PEX1: variants seen among roughly 807,000 people sequenced by gnomAD.
PEX1 encodes the protein peroxisomal ATPase PEX1.
Under a neutral mutation model 152.5 loss-of-function variants are expected in PEX1, and 97 were observed. The observed-to-expected ratio is 0.64, with a 90% confidence interval of 0.54 to 0.75. PEX1 has a LOEUF of 0.75. Among genes scored for constraint, PEX1 ranks in the 30% least tolerant of loss-of-function variants. PEX1 has a pLI of 0.00. For synonymous variants in PEX1, 485 were observed against 531.6 expected (o/e 0.91, Z 1.21); for missense variants, 1,357 against 1,516.3 (o/e 0.89, Z 1.74).
At chr7:92,522,483 C>A (rs2116270196) in intron 1 of PEX1, among the ~76,000 whole-genome samples, 1 of 152,300 alleles carries the variant, frequency 6.6e-6, no homozygotes, top group Admixed American at 6.5e-5. Flanking sequence ...ATTTAATCAA[C>A]CCCTTCAGAA....
intron 16 of PEX1, 90 bp from the exon 17 acceptor site, chr7:92,496,867 C>A (rs1791678436): frequency 1.2e-6 from 1 of 811,786 alleles, no homozygotes; most frequent in African/African-American, 1.7e-5. Context: ...TCATGGAAAT[C>A]TTTAATATGA....
At position 92,509,335 on chromosome 7, in the gene PEX1, G is replaced by A. The variant is rs770244282; in HGVS notation, c.1664C>T (p.Ser555Phe). Residue 555 changes from serine to phenylalanine, a missense_variant, in exon 9 of 24, where the codon TCT (serine) becomes TTT (phenylalanine). Transcript: ENST00000248633. ...TTTGGCCATAACTTCTTACCCCAAAGAGCTCAGCTTTAAAAAAGGAAGAAT... is the reference window on the plus strand; with the variant it reads ...TTTGGCCATAACTTCTTACCCCAAAAAGCTCAGCTTTAAAAAAGGAAGAAT... ...DFILPFLKLS[S>F]LGGVNSLGVS... 1.9e-6 allele frequency: 3 copies of A among 1,610,106 alleles called. No homozygotes were observed. Among genetic ancestry groups the A allele is most frequent in the Middle Eastern group, 1.7e-4 (1 of 6,054 alleles).
chr7:92,518,923 G>C, intron 3 of PEX1, 72 bp downstream of exon 3: 1 of 1,084,586 alleles, frequency 9.2e-7, no homozygotes, highest in East Asian at 2.4e-5. Flanking sequence ...AAAGCTTAGA[G>C]AAAGCTAAAG....
At chr7:92,514,911 G>A (rs563130713) in intron 5 of PEX1, among the ~76,000 whole-genome samples, 12 of 151,776 alleles carry the variant, frequency 7.9e-5, no homozygotes, top group African/African-American at 2.2e-4. Flanking sequence ...TTAGCCAGGC[G>A]TGGTGGTGGG....
chr7:92,517,940 G>C lies in PEX1; in HGVS notation c.575C>G (p.Ala192Gly). Residue 192 changes from alanine to glycine, a missense_variant, in exon 5 of 24, where the codon GCT becomes GGT. Physicochemically the swap from Ala to Gly is moderately conservative, Grantham distance 60. Transcript: ENST00000248633. The stretch of plus-strand genomic sequence containing the variant: ...ATGAAGTTTTTTATATTCAGCATCA[G>C]CTTTTGAAAATGTATTCTCTTTGGC... The part of the protein sequence containing the change: ...RRAKENTFSK[A>G]DAEYKKLHSY... 6.3e-7 allele frequency: 1 copy of C among 1,596,824 alleles called. No homozygotes were observed. The highest frequency in any genetic ancestry group is 8.5e-7 in the Non-Finnish European group (1 of 1,173,508).
intron 20 of PEX1, among the ~76,000 whole-genome samples, chr7:92,492,612 T>G (rs572256022): frequency 2.6e-5 from 4 of 152,346 alleles, no homozygotes; most frequent in African/African-American, 9.6e-5. Context: ...TAACTGATTA[T>G]TTTTTAAAAG....
rs1253020924 is a variant in PEX1 at position 92,493,010 on chromosome 7, T to G, written c.3150A>C (p.Leu1050Phe). The change falls in exon 20 of 24, where the codon TTA becomes TTC. Residue 1050 changes from leucine (L) to phenylalanine (F), a missense_variant. Coordinates refer to ENST00000248633, the MANE Select transcript of PEX1 (RefSeq NM_000466.3). ...DSFTGADLKA[L>F]LYNAQLEALH... ...AGGCCTCCAATTGGGCATTGTAAAGTAAAGCTTTCAGATCAGCTCCAGTAA... is the reference window on the plus strand; with the variant it reads ...AGGCCTCCAATTGGGCATTGTAAAGGAAAGCTTTCAGATCAGCTCCAGTAA... 12 of 1,613,726 alleles carry G rather than the reference T, an allele frequency of 7.4e-6. No homozygotes were observed. The Admixed American group carries it at 2.0e-4, about 27-fold the overall frequency.
chr7:92,511,884 A>G (rs1356499568), intron 6 of PEX1, among the ~76,000 whole-genome samples, 181 bp from the exon 7 acceptor site: 1 of 152,262 alleles, frequency 6.6e-6, no homozygotes, highest in Admixed American at 6.5e-5. Context: ...CAATGAGTGC[A>G]GTGTAGCCTG....
At chr7:92,502,217 G>C in intron 13 of PEX1, 138 bp from the exon 14 acceptor site, 1 of 649,776 alleles carries the variant, frequency 1.5e-6, no homozygotes, top group Non-Finnish European at 2.7e-6. Flanking sequence ...TGGAGCAGGG[G>C]AGGAATGGGT....
chr7:92,510,486 T>C (rs1281898017), intron 8 of PEX1, among the ~76,000 whole-genome samples: 1 of 151,122 alleles, frequency 6.6e-6, no homozygotes, highest in East Asian at 1.9e-4. Flanking sequence ...AAAATAATAA[T>C]ATAATAATAA....
chr7:92,513,020 C>G (rs1792552867), intron 6 of PEX1, among the ~76,000 whole-genome samples: 1 of 152,122 alleles, frequency 6.6e-6, no homozygotes, highest in African/African-American at 2.4e-5. Flanking sequence ...GTCTAGCACT[C>G]TTTTAGGCTA....
rs1792094466 is a variant in PEX1 at position 92,504,712 on chromosome 7, C to G, written c.2071+20G>C. 6.2e-7 allele frequency: 1 copy of G among 1,611,672 alleles called. No homozygotes were observed. Among genetic ancestry groups the G allele is most frequent in the Non-Finnish European group, 8.5e-7 (1 of 1,178,396 alleles). On this transcript the variant is annotated intron_variant, in intron 12 of 23. Transcript: ENST00000248633. ...ACTGACAAAAGAACAAGACCTTAAGCCAGTGGTGGATGCATTTACCATGAG... is the reference window on the plus strand; with the variant it reads ...ACTGACAAAAGAACAAGACCTTAAGGCAGTGGTGGATGCATTTACCATGAG...
At chr7:92,506,038 GA>G (rs1221048069) in intron 11 of PEX1, among the ~76,000 whole-genome samples, 5 of 149,258 alleles carry the variant, frequency 3.3e-5, no homozygotes, top group Non-Finnish European at 4.5e-5. Context: ...GTTCTGGCTA[GA>G]AAAAAAAATA....
rs1792014859 is a variant in PEX1 at position 92,503,121 on chromosome 7, G to A, written c.2146C>T (p.Gln716Ter). The change falls in exon 13 of 24, where the codon CAA becomes TAA. Residue 716 changes from glutamine (Q) to a stop codon, truncating the protein, a stop_gained. Transcript: ENST00000248633. LOFTEE classifies it high-confidence loss of function. ...VALIATSQSQ[Q>*]SLHPLLVSAQ... ...GAAACAAGTAAAGGATGTAGAGATTGCTGAGACTGACTTGTGGCAATCAGT... is the reference window on the plus strand; with the variant it reads ...GAAACAAGTAAAGGATGTAGAGATTACTGAGACTGACTTGTGGCAATCAGT... 1 of 1,613,460 alleles carries A rather than the reference G, an allele frequency of 6.2e-7. No individual in the cohort carries two copies. The highest frequency in any genetic ancestry group is 8.5e-7 in the Non-Finnish European group (1 of 1,179,494).
chr7:92,511,161 A>G (rs1050047272), intron 7 of PEX1, 114 bp from the exon 8 acceptor site: 2 of 637,690 alleles, frequency 3.1e-6, no homozygotes, highest in East Asian at 2.9e-5. Context: ...TTTCCCCCCA[A>G]CAGGGTCTCA....
At chr7:92,522,438 G>GC (rs1192321839) in intron 1 of PEX1, among the ~76,000 whole-genome samples, 193 bp from the exon 2 acceptor site, 4 of 152,148 alleles carry the variant, frequency 2.6e-5, no homozygotes, top group Non-Finnish European at 5.9e-5. Flanking sequence ...TGCTAATGAA[G>GC]CCAATACCCT....
At position 92,509,276 on chromosome 7, in the gene PEX1, A is replaced by C. The variant is rs1362695875; in HGVS notation, c.1670+53T>G. On this transcript the variant is annotated intron_variant, in intron 9 of 23. Coordinates refer to ENST00000248633, the MANE Select transcript of PEX1 (RefSeq NM_000466.3). ...TAATATTTACATTGAAAACTCTGCC[A>C]GATATAGTGTTAAAAACATGTCTAA... 3.6e-5 allele frequency: 42 copies of C among 1,166,508 alleles called. 1 individual carries two copies. Among genetic ancestry groups the C allele is most frequent in the Admixed American group, 5.0e-5 (3 of 59,406 alleles). The allele number at this position is 1,166,508 out of a possible 1,614,324, so 72.3% of individuals were successfully genotyped here.
intron 20 of PEX1, chr7:92,491,728 A>G (rs1286829077): frequency 2.0e-6 from 1 of 490,608 alleles, no homozygotes; most frequent in East Asian, 3.8e-5. Context: ...CCATCCCCCA[A>G]GAAAGTCTGT....
intron 1 of PEX1, among the ~76,000 whole-genome samples, chr7:92,522,731 CAT>C (rs913439464): frequency 1.3e-5 from 2 of 152,110 alleles, no homozygotes; most frequent in Admixed American, 6.5e-5. Flanking sequence ...AGTAGAAACA[CAT>C]ATCATCTTTA....
Sources: gnomAD v4.1 joint callset for allele counts (sites outside exome capture counted in the v4.1 genomes callset) on GRCh38, gnomAD v4.1.1 for gene constraint, MANE v1.5 for transcripts, NCBI Gene and HGNC (gene_info 2026-07-23, HGNC 2026-07-21) for gene names.